Variants in FRMD4A observed in about 807,000 individuals in gnomAD.
The protein encoded by FRMD4A is FERM domain containing 4A.
FRMD4A carries 29 observed loss-of-function variants against 129.1 expected under a neutral mutation model. The ratio of observed to expected loss-of-function variants is 0.22; its 90% CI spans 0.17 to 0.31. FRMD4A has a LOEUF of 0.31. Ranked by LOEUF, FRMD4A falls within the 10% of genes least tolerant of loss-of-function variation. The probability of loss-of-function intolerance (pLI) is 1.00; values close to 1 mark genes in which losing one functional copy is unlikely to be tolerated. For missense variants in FRMD4A, 1,272 were observed against 1,375.8 expected (o/e 0.92, Z 1.19); for synonymous variants, 634 against 571.6 (o/e 1.11, Z -1.56).
chr10:13,991,207 A>G (rs536878337), intron 2 of FRMD4A, among the ~76,000 whole-genome samples: 1 of 152,340 alleles, frequency 6.6e-6, no homozygotes, highest in Admixed American at 6.5e-5. Context: ...AGCAACATTT[A>G]GAAAGGAAAA....
intron 12 of FRMD4A, among the ~76,000 whole-genome samples, chr10:13,729,782 C>T (rs1300159032): frequency 6.6e-6 from 1 of 152,174 alleles, no homozygotes; most frequent in Non-Finnish European, 1.5e-5. Flanking sequence ...AATTGCACAT[C>T]AAATAAATAA....
intron 2 of FRMD4A, among the ~76,000 whole-genome samples, chr10:14,200,639 C>T (rs1842609003): frequency 6.6e-6 from 1 of 152,198 alleles, no homozygotes; most frequent in Admixed American, 6.5e-5. Flanking sequence ...AATCATAAAA[C>T]GCTGAGCACT....
chr10:13,943,228 T>C lies in FRMD4A; in HGVS notation c.46-84316A>G, dbSNP rs2095306482. 1.3e-5 allele frequency among the ~76,000 whole-genome samples: 2 copies of C among 152,044 alleles called. 1 individual carries two copies. Among genetic ancestry groups the C allele is most frequent in the South Asian group, 4.2e-4 (2 of 4,814 alleles). ...AGGTGGACATCTCCTATTCCAGTGGTCTCCCCTCAGGCCTCTCCACCAGCA... is the reference window on the plus strand; with the variant it reads ...AGGTGGACATCTCCTATTCCAGTGGCCTCCCCTCAGGCCTCTCCACCAGCA... On this transcript the variant is annotated intron_variant, in intron 2 of 24. Coordinates refer to ENST00000357447, the MANE Select transcript of FRMD4A (RefSeq NM_018027.5).
chr10:14,098,490 G>A (rs951719890), intron 2 of FRMD4A, among the ~76,000 whole-genome samples: 8 of 151,514 alleles, frequency 5.3e-5, no homozygotes, highest in African/African-American at 1.7e-4. Flanking sequence ...TGCAAGCTCC[G>A]CTTCCCGGGT....
intron 2 of FRMD4A, among the ~76,000 whole-genome samples, chr10:14,142,968 A>T (rs1180308228): frequency 7.1e-6 from 1 of 141,168 alleles, no homozygotes; most frequent in East Asian, 2.4e-4. Flanking sequence ...CCTCATTAGG[A>T]TGGCTATGAT....
chr10:14,202,557 C>A (rs1842670068), intron 2 of FRMD4A, among the ~76,000 whole-genome samples: 1 of 151,958 alleles, frequency 6.6e-6, no homozygotes, highest in East Asian at 1.9e-4. Context: ...AGCAGCACCA[C>A]CCCCGGCTAA....
intron 2 of FRMD4A, among the ~76,000 whole-genome samples, chr10:14,297,105 T>C (rs899745287): frequency 2.6e-5 from 4 of 151,532 alleles, no homozygotes; most frequent in African/African-American, 9.7e-5. Flanking sequence ...ATGCCAGCTC[T>C]CCACAGGTTC....
intron 2 of FRMD4A, among the ~76,000 whole-genome samples, chr10:13,889,227 C>T (rs2094664875): frequency 6.6e-6 from 1 of 152,224 alleles, no homozygotes; most frequent in African/African-American, 2.4e-5. Context: ...CTTCCATATC[C>T]CTTTCTTTCA....
chr10:13,860,601 T>G (rs1379097392), intron 2 of FRMD4A, among the ~76,000 whole-genome samples: 1 of 152,166 alleles, frequency 6.6e-6, no homozygotes, highest in Non-Finnish European at 1.5e-5. Context: ...CCGGCCGCTT[T>G]AAGCAGATCT....
At chr10:14,269,054 T>C (rs954444811) in intron 2 of FRMD4A, among the ~76,000 whole-genome samples, 1 of 152,184 alleles carries the variant, frequency 6.6e-6, no homozygotes, top group Non-Finnish European at 1.5e-5. Flanking sequence ...CTACTTCTAG[T>C]TGATTACAAA....
chr10:13,689,722 TAAG>T (rs1193970121), intron 15 of FRMD4A, among the ~76,000 whole-genome samples: 11 of 148,612 alleles, frequency 7.4e-5, no homozygotes, highest in Non-Finnish European at 1.3e-4. Flanking sequence ...CCAGCTATAT[TAAG>T]AAGATTTTTT....
chr10:13,807,134 A>G (rs560356129), intron 4 of FRMD4A, among the ~76,000 whole-genome samples: 5 of 152,290 alleles, frequency 3.3e-5, no homozygotes, highest in African/African-American at 1.2e-4. Context: ...TGGATTTATA[A>G]CTGGCTCTTG....
intron 2 of FRMD4A, among the ~76,000 whole-genome samples, chr10:14,116,855 A>C (rs986337587): frequency 1.3e-5 from 2 of 152,262 alleles, no homozygotes; most frequent in African/African-American, 4.8e-5. Context: ...AAGAAGAGGT[A>C]TCTAACTTCC....
intron 2 of FRMD4A, among the ~76,000 whole-genome samples, chr10:14,065,476 C>A (rs879847993): frequency 6.6e-6 from 1 of 152,194 alleles, no homozygotes; most frequent in East Asian, 1.9e-4. Flanking sequence ...CCACCATACC[C>A]GGCCCTAATT....
At position 13,910,682 on chromosome 10, in the gene FRMD4A, G is replaced by A. The variant is rs147907965; in HGVS notation, c.46-51770C>T. 2.2e-3 allele frequency among the ~76,000 whole-genome samples: 330 copies of A among 152,144 alleles called. 3 individuals are homozygous for A. Among genetic ancestry groups the A allele is most frequent in the South Asian group, 0.016 (78 of 4,820 alleles). ...GTTTTAATTTGCAAAGGATTTGATG[G>A]GAAAATAACTGATAAAGATTTTTTT... On this transcript the variant is annotated intron_variant, in intron 2 of 24. Transcript: ENST00000357447.
intron 2 of FRMD4A, among the ~76,000 whole-genome samples, chr10:14,028,025 G>A (rs1449796780): frequency 2.6e-5 from 4 of 152,150 alleles, no homozygotes; most frequent in African/African-American, 9.7e-5. Context: ...ATACAAGCAA[G>A]TTCACGGGTG....
intron 3 of FRMD4A, among the ~76,000 whole-genome samples, chr10:13,825,018 A>T (rs2093681187): frequency 6.6e-6 from 1 of 152,090 alleles, no homozygotes; most frequent in South Asian, 2.1e-4. Flanking sequence ...CCTGGGGGAC[A>T]CTTTCCAAGA....
chr10:13,971,635 AAG>A, intron 2 of FRMD4A: 1 of 1,273,754 alleles, frequency 7.9e-7, no homozygotes, highest in Non-Finnish European at 1.0e-6. Context: ...AAAGAAACGA[AAG>A]AGGAGCTTCT....
chr10:14,012,087 G>A (rs565270465), intron 2 of FRMD4A, among the ~76,000 whole-genome samples: 7 of 152,078 alleles, frequency 4.6e-5, no homozygotes, highest in African/African-American at 1.2e-4. Flanking sequence ...GCAGGTTGTT[G>A]TCAGGATAGT....
Sources: allele counts gnomAD v4.1 joint callset (sites outside exome capture counted in the v4.1 genomes callset), GRCh38; gene constraint gnomAD v4.1.1; transcripts MANE v1.5; gene names NCBI Gene and HGNC (gene_info 2026-07-23, HGNC 2026-07-21).